FAM161B: variants seen among roughly 807,000 people sequenced by gnomAD.
FAM161B encodes the protein FAM161 centrosomal protein B.
FAM161B carries 46 observed loss-of-function variants against 61.5 expected under a neutral mutation model. That is an observed-to-expected ratio of 0.75 (90% CI 0.59 to 0.96). The LOEUF (loss-of-function observed/expected upper bound fraction) is 0.96. FAM161B is among the 40% of genes least tolerant of loss of function. The pLI is 0.00. For synonymous variants in FAM161B, 284 were observed against 302.7 expected (o/e 0.94, Z 0.64); for missense variants, 774 against 800.7 (o/e 0.97, Z 0.40).
At position 73,946,049 on chromosome 14, in the gene FAM161B, G is replaced by T. The variant is rs188347319; in HGVS notation, c.374+237C>A. On this transcript the variant is annotated intron_variant, in intron 2 of 8. Coordinates refer to ENST00000286544, the MANE Select transcript of FAM161B (RefSeq NM_152445.3). ...GAGCCCCTGCACCTGAGGAAAGGCT[G>T]CCCTTTAATTAATTCCAGTGCATCA... is the stretch of plus-strand genomic sequence containing the variant. Among the ~76,000 whole-genome samples, 3 of 152,252 alleles carry T rather than the reference G, an allele frequency of 2.0e-5. No individual in the cohort carries two copies. The East Asian group carries it at 5.8e-4, about 29-fold the overall frequency.
chr14:73,924,684 T>C, the FAM161B span: 2 of 300,910 alleles, frequency 6.6e-6, no homozygotes, highest in African/African-American at 4.7e-5. Flanking sequence ...TTTTCTTTTC[T>C]TTTTTTTTTT....
In FAM161B at chr14:73,935,958, T is replaced by G; in HGVS notation, c.1796A>C (p.Asp599Ala). 6.2e-7 allele frequency: 1 copy of G among 1,607,582 alleles called. No individual in the cohort carries two copies. The highest frequency in any genetic ancestry group is 2.2e-5 in the East Asian group (1 of 44,710). The part of the protein sequence containing the change: ...AVQEKETKIK[D>A]FPRFQETTKL... Reference sequence around the variant, plus strand: ...CAACATTTCAGGTTACCTGGGAAAATCCTTGATTTTGGTCTCTTTCTCTTG... The same window carrying G: ...CAACATTTCAGGTTACCTGGGAAAAGCCTTGATTTTGGTCTCTTTCTCTTG... The change falls in exon 8 of 9, where the codon GAT (aspartate) becomes GCT (alanine). Residue 599 changes from aspartate (D) to alanine (A), a missense_variant. By Grantham distance (126) the Asp-to-Ala change is moderately radical (BLOSUM62 -2). Transcript: ENST00000286544.
chr14:73,939,173 G>T (rs534022334), intron 5 of FAM161B, among the ~76,000 whole-genome samples: 37 of 152,198 alleles, frequency 2.4e-4, no homozygotes, highest in Admixed American at 9.2e-4. Flanking sequence ...AGTGGCACGT[G>T]CCGGTAATCC....
At chr14:73,940,144 C>G (rs1277834140) in intron 5 of FAM161B, among the ~76,000 whole-genome samples, 1 of 152,236 alleles carries the variant, frequency 6.6e-6, no homozygotes, top group African/African-American at 2.4e-5. Flanking sequence ...CTCTCCCTGG[C>G]CTAAGCTGCT....
downstream of FAM161B, chr14:73,931,516 G>A (rs188327661): frequency 3.7e-6 from 6 of 1,605,884 alleles, no homozygotes; most frequent in East Asian, 2.2e-5. Context: ...CTAAACCAAG[G>A]AGATTTAACT....
chr14:73,934,189 C>G lies in FAM161B; in HGVS notation c.*67G>C. 6.4e-7 allele frequency: 1 copy of G among 1,563,334 alleles called. No homozygotes were observed. Among genetic ancestry groups the G allele is most frequent in the South Asian group, 1.2e-5 (1 of 83,004 alleles). On this transcript the variant is annotated 3_prime_UTR_variant, in exon 9 of 9. Transcript: ENST00000286544. The stretch of plus-strand genomic sequence containing the variant: ...CCATGACTCAAAACCCAAGTTTTCC[C>G]TGCCTTGACTCAAACCCAAGTTAGC...
At chr14:73,939,342 A>G (rs2055998261) in intron 5 of FAM161B, among the ~76,000 whole-genome samples, 1 of 152,194 alleles carries the variant, frequency 6.6e-6, no homozygotes, top group South Asian at 2.1e-4. Context: ...CCAACATTCA[A>G]TAGGTCTTCG....
Position 73,944,578 on chromosome 14 carries a change from G to T in FAM161B, c.682C>A (p.Pro228Thr). The stretch of plus-strand genomic sequence containing the variant: ...CGCTCCATGATCTCTTGGTAGAGGG[G>T]CAGGTAGACATGTGCAGGCACAGGC... ...AQPVPAHVYL[P>T]LYQEIMERSE... Residue 228 changes from proline to threonine, a missense_variant, in exon 3 of 9, where the codon CCC (proline) becomes ACC (threonine). Physicochemically the swap from Pro to Thr is conservative, Grantham distance 38. Transcript: ENST00000286544. 6.2e-7 allele frequency: 1 copy of T among 1,614,100 alleles called. No individual in the cohort carries two copies. Among genetic ancestry groups the T allele is most frequent in the Non-Finnish European group, 8.5e-7 (1 of 1,180,014 alleles).
rs200096368 is a variant in FAM161B at position 73,950,064 on chromosome 14, T to C, written c.-38A>G. The C allele has an allele frequency of 5.0e-6, 8 of 1,609,238 alleles. No individual in the cohort carries two copies. Among genetic ancestry groups the C allele is most frequent in the African/African-American group, 2.7e-5 (2 of 75,048 alleles). ...GAGGCAGCAGCGACAGTGACAGCGA[T>C]AGTGGCAGCAGCGGTGGCAGCGAGA... On this transcript the variant is annotated 5_prime_UTR_variant, in exon 1 of 9. Transcript: ENST00000286544.
At position 73,944,437 on chromosome 14, in the gene FAM161B, T is replaced by C. The variant is rs2056045806; in HGVS notation, c.823A>G (p.Arg275Gly). ...EEQLKEAARQ[R>G]DLAATAEAKI... ...GCTTCAGCTGTGGCTGCCAAGTCTCTCTGTCGAGCAGCTTCCTTTAGCTGC... is the reference window on the plus strand; with the variant it reads ...GCTTCAGCTGTGGCTGCCAAGTCTCCCTGTCGAGCAGCTTCCTTTAGCTGC... The change falls in exon 3 of 9, where the codon AGA (arginine) becomes GGA (glycine). Residue 275 changes from arginine (R) to glycine (G), a missense_variant. By Grantham distance (125) the Arg-to-Gly change is moderately radical (BLOSUM62 -2). Coordinates refer to ENST00000286544, the MANE Select transcript of FAM161B (RefSeq NM_152445.3). 1 of 1,613,260 alleles carries C rather than the reference T, an allele frequency of 6.2e-7. No individual in the cohort carries two copies.
At chr14:73,945,867 G>A (rs1464119257) in intron 2 of FAM161B, among the ~76,000 whole-genome samples, 1 of 151,870 alleles carries the variant, frequency 6.6e-6, no homozygotes, top group Non-Finnish European at 1.5e-5. Flanking sequence ...TCAGCCTCCT[G>A]AGTAGCTGGG....
Position 73,942,629 on chromosome 14 carries a change from T to G in FAM161B, c.1012A>C (p.Asn338His), listed in dbSNP as rs756592236. The change falls in exon 4 of 9, where the codon AAC becomes CAC. Residue 338 changes from asparagine to histidine, a missense_variant. By Grantham distance (68) the Asn-to-His change is moderately conservative (BLOSUM62 1). Transcript: ENST00000286544. ...MASSPIASSS[N>H]RANPQPRTAT... is the part of the protein sequence containing the mutation. The stretch of plus-strand genomic sequence containing the variant: ...GTGCGGGGCTGTGGGTTAGCCCGGT[T>G]ACTAGAGGAGGCGATAGGGGAAGAG... 7 of 1,614,160 alleles carry G rather than the reference T, an allele frequency of 4.3e-6. No homozygotes were observed. The South Asian group carries it at 7.7e-5, about 18-fold the overall frequency.
At chr14:73,946,668 C>T (rs2056070286) in intron 1 of FAM161B, 63 bp from the exon 2 acceptor site, 2 of 1,525,478 alleles carry the variant, frequency 1.3e-6, no homozygotes, top group Non-Finnish European at 1.8e-6. Context: ...CAAATCATAA[C>T]TTAATTTCGC....
rs1194065964 is a variant in FAM161B, at chr14:73,932,419, A to G, written c.*1837T>C. The G allele has an allele frequency of 2.2e-6, 1 of 452,646 alleles. No homozygotes were observed. 28.0% of individuals were successfully genotyped at this position (452,646 alleles called of 1,614,324 possible). The stretch of plus-strand genomic sequence containing the variant: ...CCGAGGAGTCTTAGGAAACAACAAG[A>G]ACATCTTCATTTCTTAAGCCCAGGT... On this transcript the variant is annotated 3_prime_UTR_variant, in exon 9 of 9. Coordinates refer to ENST00000286544, the MANE Select transcript of FAM161B (RefSeq NM_152445.3).
Position 73,944,538 on chromosome 14 carries a change from C to A in FAM161B, c.722G>T (p.Arg241Met). ...QEIMERSEAR[R>M]QAGIQKRKEL... ...CTTCCTCTTCTGGATCCCTGCCTGC[C>A]TTCGGGCCTCGCTGCGCTCCATGAT... The change falls in exon 3 of 9, where the codon AGG (arginine) becomes ATG (methionine). Residue 241 changes from arginine (R) to methionine (M), a missense_variant. Transcript: ENST00000286544. 6.2e-7 allele frequency: 1 copy of A among 1,614,164 alleles called. No homozygotes were observed. The highest frequency in any genetic ancestry group is 8.5e-7 in the Non-Finnish European group (1 of 1,180,034).
Position 73,934,217 on chromosome 14 carries a change from C to T in FAM161B, c.*39G>A, listed in dbSNP as rs1012285071. 1 of 1,600,788 alleles carries T rather than the reference C, an allele frequency of 6.2e-7. No individual in the cohort carries two copies. Among genetic ancestry groups the T allele is most frequent in the Admixed American group, 1.8e-5 (1 of 56,460 alleles). Reference sequence around the variant, plus strand: ...CCTTGACTCAAACCCAAGTTAGCTGCTTAATATTTTTCAAAAGCAGTAATT... The same window carrying T: ...CCTTGACTCAAACCCAAGTTAGCTGTTTAATATTTTTCAAAAGCAGTAATT... On this transcript the variant is annotated 3_prime_UTR_variant, in exon 9 of 9. Coordinates refer to ENST00000286544, the MANE Select transcript of FAM161B (RefSeq NM_152445.3).
At chr14:73,942,782 T>C in intron 3 of FAM161B, 67 bp from the exon 4 acceptor site, 2 of 1,442,660 alleles carry the variant, frequency 1.4e-6, no homozygotes, top group Non-Finnish European at 9.4e-7. Context: ...TGGAGAACTT[T>C]CCCTCTTTTA....
rs866399360 is a variant in FAM161B, at chr14:73,937,531, A to G, written c.1665+71T>C. On this transcript the variant is annotated intron_variant, in intron 7 of 8. Coordinates refer to ENST00000286544, the MANE Select transcript of FAM161B (RefSeq NM_152445.3). ...GGAAAATTTTAATACCCACATATTA[A>G]AATTGTTTTGTAATTTTTCAGAGTC... 5 of 1,455,884 alleles carry G rather than the reference A, an allele frequency of 3.4e-6. No individual in the cohort carries two copies. The African/African-American group carries it at 5.7e-5, about 17-fold the overall frequency. The allele number at this position is 1,455,884 out of a possible 1,614,324, so 90.2% of individuals were successfully genotyped here. A position where few individuals can be genotyped will look rare whatever the true frequency, so the allele number is the denominator to read the frequency against.
At chr14:73,937,839 A>C (rs536096129) in intron 6 of FAM161B, 109 bp downstream of exon 6, 2 of 1,564,080 alleles carry the variant, frequency 1.3e-6, no homozygotes, top group South Asian at 2.4e-5. Flanking sequence ...TGCTGTGATT[A>C]CAGGAGCCTA....
Sources: allele counts gnomAD v4.1 joint callset (sites outside exome capture counted in the v4.1 genomes callset), GRCh38; gene constraint gnomAD v4.1.1; transcripts MANE v1.5; gene names NCBI Gene and HGNC (gene_info 2026-07-23, HGNC 2026-07-21).